The following NCOR2 variants were observed in gnomAD, a reference collection of about 807,000 sequenced individuals.
NCOR2 encodes the protein nuclear receptor corepressor 2, also known as CTG repeat protein 26.
In NCOR2, 81 loss-of-function variants were observed where a neutral mutation model predicts 262.9. That is an observed-to-expected ratio of 0.31 (90% CI 0.26 to 0.37). NCOR2 has a LOEUF of 0.37. Among genes scored for constraint, NCOR2 ranks in the 10% least tolerant of loss-of-function variants. The pLI, the probability that NCOR2 is intolerant of heterozygous loss-of-function variation, is 1.00. For synonymous variants in NCOR2, 1,659 were observed against 1,559.3 expected (o/e 1.06, Z -1.51); for missense variants, 3,385 against 3,621.4 (o/e 0.93, Z 1.68).
At chr12:124,399,736 C>T (rs956214576) in intron 15 of NCOR2, among the ~76,000 whole-genome samples, 5 of 152,202 alleles carry the variant, frequency 3.3e-5, no homozygotes, top group African/African-American at 7.2e-5. Flanking sequence ...TCGGCCTGAG[C>T]GCTTGGGCCC....
Position 124,326,365 on chromosome 12 carries a change from C to T in NCOR2, c.7189G>A (p.Gly2397Ser), listed in dbSNP as rs199762590. 1.9e-4 allele frequency: 279 copies of T among 1,489,654 alleles called. 1 individual carries two copies. In the African/African-American group the frequency reaches 3.3e-3, roughly 18 times the overall value. The allele number at this position is 1,489,654 out of a possible 1,614,324, so 92.3% of individuals were successfully genotyped here. ...CTGCCAGAGACCTTGGCCTTCCCGC[C>T]GCCACCTGCAGGGGGACAAGATGGG... Residue 2397 changes from glycine to serine, a missense_variant, in exon 46 of 47, where the codon GGC becomes AGC. Gly to Ser is a moderately conservative substitution (Grantham distance 56). Around this residue, in one of 5 missense-constraint regions of NCOR2, gnomAD observed 1,017 missense variants for 967.2 expected, o/e 1.05. Transcript: ENST00000405201.
intron 20 of NCOR2, among the ~76,000 whole-genome samples, chr12:124,368,011 G>A (rs1399665500): frequency 1.3e-5 from 2 of 152,212 alleles, no homozygotes; most frequent in South Asian, 2.1e-4. Flanking sequence ...GACTCTCAGG[G>A]CCTGGCACAG....
At chr12:124,356,113 A>G (rs2037933334) in intron 23 of NCOR2, among the ~76,000 whole-genome samples, 1 of 152,116 alleles carries the variant, frequency 6.6e-6, no homozygotes, top group Non-Finnish European at 1.5e-5. Context: ...GGGCTTTTGC[A>G]CTTGCTGTTC....
intron 16 of NCOR2, 99 bp from the exon 19 acceptor site, chr12:124,385,986 C>A: frequency 6.9e-7 from 1 of 1,441,974 alleles, no homozygotes; most frequent in Non-Finnish European, 9.3e-7. Flanking sequence ...GGAGCAGAAA[C>A]CCAGCCTGGG....
chr12:124,438,027 G>A, intron 7 of NCOR2, 31 bp from the exon 10 acceptor site: 1 of 1,589,676 alleles, frequency 6.3e-7, no homozygotes, highest in Non-Finnish European at 8.6e-7. Context: ...AGACAGGTCA[G>A]CCCGGCCGGG....
chr12:124,437,306 T>C (rs964796866), intron 8 of NCOR2, among the ~76,000 whole-genome samples: 4 of 152,164 alleles, frequency 2.6e-5, no homozygotes, highest in African/African-American at 9.7e-5. Context: ...GAATGGGTGA[T>C]GGCCACGGCC....
intron 7 of NCOR2, 25 bp from the exon 10 acceptor site, chr12:124,438,021 A>G (rs950437235): frequency 9.4e-6 from 15 of 1,598,862 alleles, no homozygotes; most frequent in Non-Finnish European, 1.2e-5. Flanking sequence ...AGCGGCAGAC[A>G]GGTCAGCCCG....
intron 16 of NCOR2, among the ~76,000 whole-genome samples, chr12:124,391,635 T>G (rs1189695706): frequency 6.6e-6 from 1 of 152,122 alleles, no homozygotes; most frequent in East Asian, 1.9e-4. Flanking sequence ...CTGGATAACA[T>G]CACACCTGGA....
At chr12:124,496,855 CT>C (rs1204165665), upstream of NCOR2, among the ~76,000 whole-genome samples, 1 of 152,218 alleles carries the variant, frequency 6.6e-6, no homozygotes, top group Non-Finnish European at 1.5e-5. This position sits in a 1 kb window ranked among gnomAD's most constrained non-coding sequence, Gnocchi z 4.4. Flanking sequence ...CAATGAGAAT[CT>C]GCCTTGAGAC....
At chr12:124,328,223 G>A (rs1025087544) in intron 44 of NCOR2, among the ~76,000 whole-genome samples, 1 of 151,782 alleles carries the variant, frequency 6.6e-6, no homozygotes, top group African/African-American at 2.4e-5. Flanking sequence ...GTGCAGCCCC[G>A]TACCTCCCCA....
intron 7 of NCOR2, among the ~76,000 whole-genome samples, chr12:124,444,305 G>GA (rs2045010370): frequency 1.3e-5 from 2 of 152,134 alleles, no homozygotes; most frequent in African/African-American, 4.8e-5. Context: ...GGGGTGCAAA[G>GA]AAGTCAGGGT....
In NCOR2 at chr12:124,526,838, C is replaced by T. The variant is rs193038085; in HGVS notation, c.-118+8727G>A. The stretch of plus-strand genomic sequence containing the variant: ...GCAGCTAGAATCCCAGCTTCACCAC[C>T]TCCCAGCTGTGTGGTCTCACTCATG... On this transcript the variant is annotated intron_variant, in intron 1 of 46. Transcript: ENST00000404621. 1.4e-4 allele frequency among the ~76,000 whole-genome samples: 21 copies of T among 152,300 alleles called. No homozygotes were observed. In the South Asian group the frequency reaches 1.9e-3, roughly 14 times the overall value.
chr12:124,362,242 G>C lies in NCOR2; in HGVS notation c.2984C>G (p.Ala995Gly), dbSNP rs11057592. The C allele has an allele frequency of 4.4e-3, 5,786 of 1,315,898 alleles. 210 individuals are homozygous for C. The African/African-American group carries it at 0.077, about 18-fold the overall frequency. 81.5% of individuals were successfully genotyped at this position (1,315,898 alleles called of 1,614,324 possible). The change falls in exon 22 of 47, where the codon GCT becomes GGT. Residue 995 changes from alanine (A) to glycine (G), a missense_variant. This residue lies in a region of NCOR2 where 1,615 missense variants were observed against 1,626.9 expected (regional missense o/e 0.99). Transcript: ENST00000405201. ...TTGCGGTGGCGGTGGGGCTGGGGGA[G>C]CTGGCTTGGTGGGAGCTGCGTCCTC... is the stretch of plus-strand genomic sequence containing the variant.
intron 6 of NCOR2, among the ~76,000 whole-genome samples, chr12:124,450,624 G>A (rs2045460776): frequency 6.6e-6 from 1 of 152,230 alleles, no homozygotes; most frequent in Non-Finnish European, 1.5e-5. Context: ...AGTGAGAAAG[G>A]GAGGCAGGGC....
chr12:124,413,000 G>A (rs1044272737), intron 13 of NCOR2, among the ~76,000 whole-genome samples: 1 of 152,226 alleles, frequency 6.6e-6, no homozygotes, highest in South Asian at 2.1e-4. Flanking sequence ...TGAGGAAGTC[G>A]GAAGCCTCGC....
intron 1 of NCOR2, among the ~76,000 whole-genome samples, chr12:124,518,986 C>T (rs979712160): frequency 2.6e-5 from 4 of 152,108 alleles, no homozygotes; most frequent in African/African-American, 9.7e-5. Context: ...TATTTCTGTC[C>T]TCCTTTTAAT....
At chr12:124,327,720 A>T (rs1459430326) in intron 44 of NCOR2, 87 bp from the exon 47 acceptor site, 1 of 929,662 alleles carries the variant, frequency 1.1e-6, no homozygotes, top group Admixed American at 2.3e-5. Context: ...GAAGGGAGAG[A>T]GAGAGGGAAG....
chr12:124,463,808 C>A (rs2046297705), intron 5 of NCOR2, among the ~76,000 whole-genome samples: 1 of 152,228 alleles, frequency 6.6e-6, no homozygotes, highest in Non-Finnish European at 1.5e-5. Context: ...AGAGACTCAG[C>A]CCGGGCGGAG....
At chr12:124,333,659 A>ACCC (rs5801547) in intron 41 of NCOR2, among the ~76,000 whole-genome samples, 3,540 of 148,118 alleles carry the variant, frequency 0.024, 60 homozygotes, top group Non-Finnish European at 0.039. Flanking sequence ...CACACACATT[A>ACCC]CCCCCCCCGC....
Sources: gnomAD v4.1 joint callset for allele counts (sites outside exome capture counted in the v4.1 genomes callset) on GRCh38, gnomAD v4.1.1 for gene constraint, gnomAD v4.1.1 regional missense constraint, Gnocchi (gnomAD v3.1) non-coding constraint, MANE v1.5 for transcripts, NCBI Gene and HGNC (gene_info 2026-07-23, HGNC 2026-07-21) for gene names.